Variants in MYO5B observed in about 807,000 individuals in gnomAD.
The protein encoded by MYO5B is unconventional myosin-Vb.
MYO5B carries 143 observed loss-of-function variants against 229.3 expected under a neutral mutation model. The observed-to-expected ratio is 0.62, with a 90% CI of 0.54 to 0.72. MYO5B has a LOEUF of 0.72. Among genes scored for constraint, MYO5B ranks in the 30% least tolerant of loss-of-function variants. The probability of loss-of-function intolerance (pLI) is 0.00; values close to 1 mark genes in which losing one functional copy is unlikely to be tolerated. For missense variants in MYO5B, 2,321 were observed against 2,331.0 expected (o/e 1.00, Z 0.09); for synonymous variants, 918 against 885.2 (o/e 1.04, Z -0.66).
chr18:50,194,101 T>A (rs960126287), intron 1 of MYO5B, among the ~76,000 whole-genome samples: 1 of 152,128 alleles, frequency 6.6e-6, no homozygotes, highest in South Asian at 2.1e-4. Flanking sequence ...AAAACATCCA[T>A]CCCCAGCAAA....
At chr18:49,960,531 G>C (rs1037753903) in intron 12 of MYO5B, among the ~76,000 whole-genome samples, 1 of 152,190 alleles carries the variant, frequency 6.6e-6, no homozygotes, top group African/African-American at 2.4e-5. Context: ...GAAGCATACA[G>C]TTCAGTGAGT....
chr18:50,004,505 C>T (rs1258072857), intron 4 of MYO5B, among the ~76,000 whole-genome samples: 6 of 152,216 alleles, frequency 3.9e-5, no homozygotes, highest in Non-Finnish European at 7.3e-5. Flanking sequence ...CTTAGACCAA[C>T]AAGCACCATT....
At chr18:49,886,712 G>A (rs535010288) in intron 22 of MYO5B, among the ~76,000 whole-genome samples, 2 of 152,054 alleles carry the variant, frequency 1.3e-5, no homozygotes, top group Non-Finnish European at 2.9e-5. Flanking sequence ...GTCTTCAGAG[G>A]CTAAAATGTG....
chr18:49,875,292 GCTGAA>G (rs1347671221), intron 26 of MYO5B, among the ~76,000 whole-genome samples: 3 of 152,172 alleles, frequency 2.0e-5, no homozygotes, highest in Non-Finnish European at 2.9e-5. Context: ...ACCCAAAAAG[GCTGAA>G]CCCAAGCCCA....
chr18:49,862,120 C>A (rs1293443686), intron 29 of MYO5B, among the ~76,000 whole-genome samples: 1 of 151,336 alleles, frequency 6.6e-6, no homozygotes, highest in Non-Finnish European at 1.5e-5. Flanking sequence ...GCCTCAGCCT[C>A]CTGAGTAGCT....
At chr18:49,914,858 C>T (rs1401132730) in intron 17 of MYO5B, among the ~76,000 whole-genome samples, 1 of 151,930 alleles carries the variant, frequency 6.6e-6, no homozygotes, top group Non-Finnish European at 1.5e-5. Flanking sequence ...GATTCAGCTG[C>T]AGCATGGTGG....
At chr18:50,068,606 A>G (rs1398548371) in intron 1 of MYO5B, among the ~76,000 whole-genome samples, 4 of 152,250 alleles carry the variant, frequency 2.6e-5, no homozygotes, top group African/African-American at 9.6e-5. Context: ...TTCTGGACAC[A>G]GACCACGTCA....
At chr18:49,999,734 G>A (rs796070375) in intron 5 of MYO5B, among the ~76,000 whole-genome samples, 3 of 152,088 alleles carry the variant, frequency 2.0e-5, no homozygotes, top group Admixed American at 6.6e-5. Flanking sequence ...GTACCCAGAC[G>A]GGCAACACCA....
intron 2 of MYO5B, among the ~76,000 whole-genome samples, chr18:50,043,366 ATAT>A (rs2030095314): frequency 4.5e-5 from 5 of 111,134 alleles, no homozygotes; most frequent in Non-Finnish European, 8.5e-5. Flanking sequence ...TAAATATATT[ATAT>A]AATATATAAT....
chr18:49,994,262 T>G (rs2025963747), intron 5 of MYO5B, among the ~76,000 whole-genome samples: 1 of 152,200 alleles, frequency 6.6e-6, no homozygotes, highest in Admixed American at 6.5e-5. Flanking sequence ...ATACATCTGC[T>G]TCAGCACAGA....
At position 50,078,572 on chromosome 18, in the gene MYO5B, A is replaced by T. The variant is rs367835543; in HGVS notation, c.28-23194T>A. On this transcript the variant is annotated intron_variant, in intron 1 of 39. Coordinates refer to ENST00000285039, the MANE Select transcript of MYO5B (RefSeq NM_001080467.3). ...CACACACCACCACTTTACACTCAACATAATGCCTAAAAGAAAAGAAAACAA... is the reference window on the plus strand; with the variant it reads ...CACACACCACCACTTTACACTCAACTTAATGCCTAAAAGAAAAGAAAACAA... Among the ~76,000 whole-genome samples, 45 of 152,346 alleles carry T rather than the reference A, an allele frequency of 3.0e-4. No individual in the cohort carries two copies. The East Asian group carries it at 3.8e-3, about 13-fold the overall frequency.
At chr18:49,954,463 G>A (rs201361679) in intron 12 of MYO5B, 28 bp from the exon 13 acceptor site, 137 of 1,613,582 alleles carry the variant, frequency 8.5e-5, no homozygotes, top group Non-Finnish European at 1.0e-4. Context: ...AGGGCAGAGC[G>A]CTTTGTGAAG....
chr18:49,975,852 C>T (rs1489611687), intron 9 of MYO5B, among the ~76,000 whole-genome samples: 2 of 152,236 alleles, frequency 1.3e-5, no homozygotes, highest in African/African-American at 4.8e-5. Flanking sequence ...CCAGCTGCCT[C>T]TACTGACTAT....
At chr18:50,040,345 G>C in intron 2 of MYO5B, 31 bp from the exon 3 acceptor site, 2 of 1,607,820 alleles carry the variant, frequency 1.2e-6, no homozygotes, top group Non-Finnish European at 1.7e-6. Flanking sequence ...GACACAAAAA[G>C]GTGGTTATGA....
Position 50,121,865 on chromosome 18 carries a change from T to C in MYO5B, c.28-66487A>G, listed in dbSNP as rs112424152. Among the ~76,000 whole-genome samples, 1,199 of 152,370 alleles carry C rather than the reference T, an allele frequency of 7.9e-3. 16 individuals are homozygous for C. The highest frequency in any genetic ancestry group is 0.027 in the African/African-American group (1,136 of 41,582). On this transcript the variant is annotated intron_variant, in intron 1 of 39. Coordinates refer to ENST00000285039, the MANE Select transcript of MYO5B (RefSeq NM_001080467.3). ...ACAACCAAAGACTGCCAGGACCCCA[T>C]GCAACTACCAATAACAGCCCTTTCT...
At chr18:50,084,512 C>A (rs1180438533) in intron 1 of MYO5B, among the ~76,000 whole-genome samples, 1 of 152,178 alleles carries the variant, frequency 6.6e-6, no homozygotes, top group Non-Finnish European at 1.5e-5. Context: ...CTTCTGGGAA[C>A]TTTCAAACCA....
intron 27 of MYO5B, among the ~76,000 whole-genome samples, chr18:49,865,993 C>G (rs2024391104): frequency 6.6e-6 from 1 of 152,222 alleles, no homozygotes; most frequent in Admixed American, 6.5e-5. Context: ...CCTCATCATC[C>G]TTTCTGGTCA....
In MYO5B at chr18:50,004,331, A is replaced by G. The variant is rs1598945840; in HGVS notation, c.456-2920T>C. Among the ~76,000 whole-genome samples the G allele has an allele frequency of 3.9e-5, 6 of 152,370 alleles. No individual in the cohort carries two copies. The South Asian group carries it at 1.2e-3, about 32-fold the overall frequency. On this transcript the variant is annotated intron_variant, in intron 4 of 39. Transcript: ENST00000285039. ...AGTGGACATACATGGCTAAGAAATT[A>G]TCAAGAGTTATAAAAAGAAAAAACC...
At chr18:50,082,665 C>G (rs1028147059) in intron 1 of MYO5B, among the ~76,000 whole-genome samples, 1 of 152,188 alleles carries the variant, frequency 6.6e-6, no homozygotes, top group South Asian at 2.1e-4. Context: ...GATATCCCTT[C>G]CAACTTCTGT....
Sources: gnomAD v4.1 joint callset for allele counts (sites outside exome capture counted in the v4.1 genomes callset) on GRCh38, gnomAD v4.1.1 for gene constraint, MANE v1.5 for transcripts, NCBI Gene and HGNC (gene_info 2026-07-23, HGNC 2026-07-21) for gene names.